Variants in THSD7A observed in about 807,000 individuals in gnomAD.
The protein encoded by THSD7A is thrombospondin type 1 domain containing 7A.
A neutral mutation model predicts 231.3 loss-of-function variants in THSD7A; 96 were observed. The observed-to-expected ratio is 0.41, with a 90% CI of 0.35 to 0.49. The LOEUF (loss-of-function observed/expected upper bound fraction) is 0.49, where lower values mean the gene tolerates loss of function less well. Among genes scored for constraint, THSD7A ranks in the 20% least tolerant of loss-of-function variants. The pLI is 0.05. For synonymous variants in THSD7A, 940 were observed against 743.3 expected (o/e 1.26, Z -4.30); for missense variants, 2,290 against 2,070.2 (o/e 1.11, Z -2.06).
intron 4 of THSD7A, among the ~76,000 whole-genome samples, chr7:11,576,009 T>C (rs1490276369): frequency 6.6e-6 from 1 of 152,192 alleles, no homozygotes; most frequent in African/African-American, 2.4e-5. Flanking sequence ...TGTTGCCTAA[T>C]GGGCACTGCA....
intron 1 of THSD7A, among the ~76,000 whole-genome samples, chr7:11,677,222 G>T (rs1193627145): frequency 1.3e-5 from 2 of 152,080 alleles, no homozygotes; most frequent in African/African-American, 2.4e-5. Context: ...AATGCTGAGG[G>T]ATTTTGTCAT....
chr7:11,777,880 T>G (rs888816099), intron 1 of THSD7A, among the ~76,000 whole-genome samples: 14 of 151,498 alleles, frequency 9.2e-5, no homozygotes, highest in Non-Finnish European at 1.9e-4. Flanking sequence ...CCGGGAGCGG[T>G]GGCTCACGCC....
intron 1 of THSD7A, among the ~76,000 whole-genome samples, chr7:11,735,114 C>T (rs929763404): frequency 6.6e-6 from 1 of 151,914 alleles, no homozygotes; most frequent in African/African-American, 2.4e-5. Context: ...AGTTCCAGCT[C>T]AAATTCTTAG....
chr7:11,524,195 T>G (rs1788381800), intron 6 of THSD7A, among the ~76,000 whole-genome samples: 1 of 152,162 alleles, frequency 6.6e-6, no homozygotes, highest in Non-Finnish European at 1.5e-5. Flanking sequence ...GTGGTGGTAC[T>G]CAGAATCCAG....
chr7:11,510,649 T>A (rs888247212), intron 6 of THSD7A, among the ~76,000 whole-genome samples: 35 of 152,176 alleles, frequency 2.3e-4, no homozygotes, highest in Non-Finnish European at 2.4e-4. Context: ...TAATCCATCA[T>A]ATAAAAGGAA....
chr7:11,511,008 T>C, intron 6 of THSD7A, among the ~76,000 whole-genome samples: 1 of 152,120 alleles, frequency 6.6e-6, no homozygotes, highest in Non-Finnish European at 1.5e-5. Context: ...TGTTTGCAGA[T>C]GACATGATTG....
intron 4 of THSD7A, among the ~76,000 whole-genome samples, chr7:11,568,506 T>G (rs1051654069): frequency 6.6e-6 from 1 of 151,404 alleles, no homozygotes; most frequent in Admixed American, 6.6e-5. Flanking sequence ...GTGCCTGTAG[T>G]CCCAGCTATT....
intron 22 of THSD7A, among the ~76,000 whole-genome samples, chr7:11,402,622 C>T (rs945368071): frequency 3.3e-5 from 5 of 152,086 alleles, no homozygotes; most frequent in African/African-American, 9.7e-5. Flanking sequence ...AGCTGAATTT[C>T]GATAATCTGA....
rs376262305 is a variant in THSD7A, at chr7:11,525,159, G to C, written c.1822+16260C>G. On this transcript the variant is annotated intron_variant, in intron 6 of 27. Transcript: ENST00000423059. Reference sequence around the variant, plus strand: ...AAGAAGATATTACACTGAGAACAAAGGTGAAGCCTTGCTTTATGACTCAGA... The same window carrying C: ...AAGAAGATATTACACTGAGAACAAACGTGAAGCCTTGCTTTATGACTCAGA... 3.5e-4 allele frequency among the ~76,000 whole-genome samples: 53 copies of C among 152,212 alleles called. 1 individual carries two copies. In the East Asian group the frequency reaches 8.5e-3, roughly 24 times the overall value.
At chr7:11,589,973 T>A (rs1037648684) in intron 4 of THSD7A, among the ~76,000 whole-genome samples, 1 of 152,230 alleles carries the variant, frequency 6.6e-6, no homozygotes, top group Non-Finnish European at 1.5e-5. Flanking sequence ...AAAGTTTTCT[T>A]TTACTGTAGT....
chr7:11,428,418 A>G (rs1784385332), intron 14 of THSD7A, among the ~76,000 whole-genome samples: 1 of 152,212 alleles, frequency 6.6e-6, no homozygotes. Flanking sequence ...AAAATGGTCA[A>G]TGACTAAATT....
intron 16 of THSD7A, among the ~76,000 whole-genome samples, chr7:11,423,370 AT>A (rs757122867): frequency 9.0e-4 from 122 of 136,136 alleles, no homozygotes; most frequent in Middle Eastern, 4.0e-3. Flanking sequence ...CGAGTGCTGG[AT>A]TTTTTTTTTT....
At chr7:11,769,150 T>TTTTTTTTTC (rs1783139749) in intron 1 of THSD7A, among the ~76,000 whole-genome samples, 1 of 65,582 alleles carries the variant, frequency 1.5e-5, no homozygotes, top group Non-Finnish European at 3.2e-5. Context: ...TATATATATA[T>TTTTTTTTTC]ATATTTTTTT....
intron 1 of THSD7A, among the ~76,000 whole-genome samples, chr7:11,795,677 T>C (rs1784103958): frequency 6.6e-6 from 1 of 151,908 alleles, no homozygotes; most frequent in South Asian, 2.1e-4. Flanking sequence ...TATACATATG[T>C]CAGAGGGTTC....
At chr7:11,610,092 T>A (rs1340689649) in intron 2 of THSD7A, among the ~76,000 whole-genome samples, 2 of 152,138 alleles carry the variant, frequency 1.3e-5, no homozygotes, top group Non-Finnish European at 2.9e-5. Flanking sequence ...AAGATTGAGA[T>A]AAGAAAATAT....
chr7:11,828,455 T>G (rs1785093003), intron 1 of THSD7A, among the ~76,000 whole-genome samples: 1 of 152,198 alleles, frequency 6.6e-6, no homozygotes, highest in Admixed American at 6.6e-5. Flanking sequence ...CCTTCACACC[T>G]CCTTTATCAG....
chr7:11,663,336 G>A (rs1034248300), intron 1 of THSD7A, among the ~76,000 whole-genome samples: 1 of 151,544 alleles, frequency 6.6e-6, no homozygotes, highest in African/African-American at 2.4e-5. Context: ...AAACTTTAAT[G>A]TTCCTCCGTC....
At chr7:11,787,737 A>T (rs1783834889) in intron 1 of THSD7A, among the ~76,000 whole-genome samples, 1 of 152,114 alleles carries the variant, frequency 6.6e-6, no homozygotes, top group African/African-American at 2.4e-5. Flanking sequence ...ACTAGAATTC[A>T]AAACCATGAC....
intron 9 of THSD7A, among the ~76,000 whole-genome samples, chr7:11,466,282 G>C (rs1785701068): frequency 6.6e-6 from 1 of 152,076 alleles, no homozygotes; most frequent in Non-Finnish European, 1.5e-5. Flanking sequence ...ACTTTGCTTA[G>C]CATTTTTAAA....
Sources: gnomAD v4.1 joint callset for allele counts (sites outside exome capture counted in the v4.1 genomes callset) on GRCh38, gnomAD v4.1.1 for gene constraint, MANE v1.5 for transcripts, NCBI Gene and HGNC (gene_info 2026-07-23, HGNC 2026-07-21) for gene names.